The following IQSEC2 variants were observed in gnomAD, a reference collection of about 807,000 sequenced individuals.
IQSEC2 encodes the protein IQ motif and SEC7 domain-containing protein 2.
IQSEC2 carries 6 observed loss-of-function variants against 74.6 expected under a neutral mutation model. The ratio of observed to expected loss-of-function variants is 0.08; its 90% CI spans 0.04 to 0.16. The LOEUF is 0.16. Among genes scored for constraint, IQSEC2 ranks in the 10% least tolerant of loss-of-function variants. IQSEC2 has a pLI of 1.00. For synonymous variants in IQSEC2, 494 were observed against 544.5 expected, an observed-to-expected ratio of 0.91 and a Z score of 1.29; for missense variants, 734 against 1,306.2, an observed-to-expected ratio of 0.56 and a Z score of 6.75.
chrX:53,288,369 C>T (rs978812283), intron 2 of IQSEC2, among the ~76,000 whole-genome samples: 2 of 111,121 alleles, frequency 1.8e-5, no homozygotes, highest in Admixed American at 9.5e-5. Flanking sequence ...CCTGTCTCCG[C>T]GGGTGTCAGC....
At chrX:53,236,182 G>A (rs782068000) in intron 13 of IQSEC2, 140 bp downstream of exon 13, 34 of 715,540 alleles carry the variant, frequency 4.8e-5, no homozygotes, top group African/African-American at 6.3e-5. Flanking sequence ...CCCCTGTGGC[G>A]CAGCGCCCAG....
intron 1 of IQSEC2, among the ~76,000 whole-genome samples, chrX:53,315,410 C>T (rs2075361663): frequency 9.0e-6 from 1 of 111,597 alleles, no homozygotes; most frequent in African/African-American, 3.3e-5. Context: ...CAAACGAACA[C>T]ACCCATCTGA....
At chrX:53,280,718 G>C (rs985314254) in intron 2 of IQSEC2, among the ~76,000 whole-genome samples, 1 of 111,619 alleles carries the variant, frequency 9.0e-6, no homozygotes, top group African/African-American at 3.3e-5. Context: ...TGCGATTAAA[G>C]TCCGGAGAAT....
At position 53,308,163 on chromosome X, in the gene IQSEC2, CAAAAAAAAAAAA is replaced by C. The variant is rs142766855; in HGVS notation, c.707+12242_707+12253del. 1.6e-4 allele frequency among the ~76,000 whole-genome samples: 6 copies of C among 37,777 alleles called. No individual in the cohort carries two copies. In the Admixed American group the frequency reaches 2.7e-3, roughly 17 times the overall value. 32.8% of individuals were successfully genotyped at this position (37,777 alleles called of 115,157 possible). ...TAGGCGACAGAGCGAGACTCCATCT[CAAAAAAAAAAAA>C]AAAAAAAAAAAAGAAGAGACTTAGT... On this transcript the variant is annotated intron_variant, in intron 1 of 14. Coordinates refer to ENST00000642864, the MANE Select transcript of IQSEC2 (RefSeq NM_001111125.3).
intron 1 of IQSEC2, among the ~76,000 whole-genome samples, chrX:53,306,333 G>C (rs1372811291): frequency 8.9e-6 from 1 of 111,960 alleles, no homozygotes; most frequent in Admixed American, 9.4e-5. Flanking sequence ...GGAGGGGCTG[G>C]CCCAGGGGTC....
intron 2 of IQSEC2, among the ~76,000 whole-genome samples, chrX:53,282,313 A>G (rs781884461): frequency 3.5e-5 from 4 of 113,089 alleles, no homozygotes; most frequent in African/African-American, 1.3e-4. Flanking sequence ...GGGTCTTACT[A>G]AAGTTCATGC....
At chrX:53,255,721 C>A in intron 3 of IQSEC2, 79 bp downstream of exon 3, 1 of 1,129,297 alleles carries the variant, frequency 8.9e-7, no homozygotes, top group South Asian at 1.8e-5. Flanking sequence ...ATACCACCCC[C>A]AAGAGCCACA....
rs138452722 is a variant in IQSEC2, at chrX:53,265,100, G to A, written c.738-9039C>T. On this transcript the variant is annotated intron_variant, in intron 2 of 14. Coordinates refer to ENST00000642864, the MANE Select transcript of IQSEC2 (RefSeq NM_001111125.3). ...CTTTGGATCTCTCACAGTATTTAGC[G>A]TCAGGTCTTATACCCAGTAAGGGCT... Among the ~76,000 whole-genome samples, 286 of 110,649 alleles carry A rather than the reference G, an allele frequency of 2.6e-3. 1 individual carries two copies. The highest frequency in any genetic ancestry group is 9.0e-3 in the African/African-American group (272 of 30,375).
intron 2 of IQSEC2, among the ~76,000 whole-genome samples, chrX:53,289,169 C>CTA (rs2146413126): frequency 3.6e-4 from 1 of 2,782 alleles, no homozygotes; most frequent in South Asian, 0.059. Flanking sequence ...CCTTCCCCCT[C>CTA]CACACACACA....
chrX:53,246,057 T>C (rs1556862030), intron 8 of IQSEC2, among the ~76,000 whole-genome samples: 1 of 110,891 alleles, frequency 9.0e-6, no homozygotes, highest in Admixed American at 9.6e-5. Flanking sequence ...AGATGGGGTT[T>C]CCCCATGTTG....
At chrX:53,286,998 G>A (rs1382419399) in intron 2 of IQSEC2, among the ~76,000 whole-genome samples, 4 of 109,246 alleles carry the variant, frequency 3.7e-5, no homozygotes, top group Admixed American at 2.0e-4. Flanking sequence ...GAGATGACAG[G>A]GACCAGGCAA....
intron 2 of IQSEC2, chrX:53,266,660 G>T: frequency 1.2e-6 from 1 of 854,006 alleles, no homozygotes; most frequent in Non-Finnish European, 1.4e-6. Context: ...CTGGGAAGTG[G>T]GAGTGCGGGT....
At chrX:53,227,631 G>A (rs1429839221), downstream of IQSEC2, 11 of 311,139 alleles carry the variant, frequency 3.5e-5, no homozygotes, top group East Asian at 1.5e-4. Context: ...GTGGTGGTGC[G>A]TGGAAGAAAC....
At chrX:53,276,338 T>C (rs1556869569) in intron 2 of IQSEC2, among the ~76,000 whole-genome samples, 1 of 112,349 alleles carries the variant, frequency 8.9e-6, no homozygotes, top group Non-Finnish European at 1.9e-5. Flanking sequence ...TTTTCTATTA[T>C]GTGTTCTAAT....
chrX:53,243,517 C>G lies in IQSEC2; in HGVS notation c.2750-46G>C, dbSNP rs1396310809. On this transcript the variant is annotated intron_variant, in intron 8 of 14. Coordinates refer to ENST00000642864, the MANE Select transcript of IQSEC2 (RefSeq NM_001111125.3). ...GGGATATGTCACATAATTATGGGCA[C>G]TGGGTGGTAGGGGTGCTCCACCACC... 6.2e-6 allele frequency: 7 copies of G among 1,132,038 alleles called. No individual in the cohort carries two copies. In the East Asian group the frequency reaches 1.3e-4, roughly 21 times the overall value. 93.3% of individuals were successfully genotyped at this position (1,132,038 alleles called of 1,213,427 possible). A position where few individuals can be genotyped will look rare whatever the true frequency, so the allele number is the denominator to read the frequency against.
At chrX:53,242,008 A>G in intron 9 of IQSEC2, 99 bp from the exon 10 acceptor site, 1 of 1,011,850 alleles carries the variant, frequency 9.9e-7, no homozygotes, top group Non-Finnish European at 1.4e-6. Context: ...TACCACTCAT[A>G]CATGTGTGTC....
chrX:53,311,571 T>C (rs782099755), intron 1 of IQSEC2, among the ~76,000 whole-genome samples: 35 of 111,341 alleles, frequency 3.1e-4, no homozygotes, highest in Non-Finnish European at 6.2e-4. Context: ...CTCCAAAACG[T>C]GGCTCTTGAC....
chrX:53,302,440 C>T (rs1248531084), intron 1 of IQSEC2, among the ~76,000 whole-genome samples: 1 of 112,143 alleles, frequency 8.9e-6, no homozygotes, highest in Non-Finnish European at 1.9e-5. Flanking sequence ...AATAGTTAGC[C>T]AGGCGTGGTG....
chrX:53,281,498 G>A (rs1556870856), intron 2 of IQSEC2: 1 of 1,131,472 alleles, frequency 8.8e-7, no homozygotes. Flanking sequence ...GTTCCTACCT[G>A]CTGCTCCTCC....
Sources: gnomAD v4.1 joint callset for allele counts (sites outside exome capture counted in the v4.1 genomes callset) on GRCh38, gnomAD v4.1.1 for gene constraint, MANE v1.5 for transcripts, NCBI Gene and HGNC (gene_info 2026-07-23, HGNC 2026-07-21) for gene names.